The following DTWD1 variants were observed in gnomAD, a reference collection of about 807,000 sequenced individuals.
DTWD1 encodes the protein tRNA-uridine aminocarboxypropyltransferase 1.
DTWD1 carries 27 observed loss-of-function variants against 30.2 expected under a neutral mutation model. The observed-to-expected ratio is 0.90, with a 90% CI of 0.66 to 1.23. DTWD1 has a LOEUF of 1.23. DTWD1 is among the 50% of genes most tolerant of loss of function. DTWD1 has a pLI of 0.00. For missense variants in DTWD1, 342 were observed against 348.8 expected (o/e 0.98, Z 0.15); for synonymous variants, 99 against 113.1 (o/e 0.88, Z 0.79).
intron 1 of DTWD1, among the ~76,000 whole-genome samples, chr15:49,624,728 A>C (rs1438326624): frequency 6.6e-6 from 1 of 152,200 alleles, no homozygotes; most frequent in Non-Finnish European, 1.5e-5. Flanking sequence ...ATAACCAACT[A>C]AATTTTGCCA....
At chr15:49,622,023 G>C (rs1303703194) in intron 1 of DTWD1, among the ~76,000 whole-genome samples, 1 of 151,782 alleles carries the variant, frequency 6.6e-6, no homozygotes, top group Non-Finnish European at 1.5e-5. Context: ...TATTATTTTG[G>C]AGAAAAAAAA....
intron 2 of DTWD1, among the ~76,000 whole-genome samples, chr15:49,631,465 T>A (rs997315646): frequency 5.3e-5 from 8 of 152,166 alleles, no homozygotes; most frequent in African/African-American, 1.9e-4. Flanking sequence ...TTACATTTCT[T>A]TTTAAAATAG....
rs2079162138 is a variant in DTWD1, at chr15:49,653,152, G to T, written c.*9574G>T. The T allele has an allele frequency of 1.3e-5, 2 of 152,124 alleles. No individual in the cohort carries two copies. The highest frequency in any genetic ancestry group is 3.9e-4 in the East Asian group (2 of 5,176). 9.4% of individuals were successfully genotyped at this position (152,124 alleles called of 1,614,324 possible). A position where few individuals can be genotyped will look rare whatever the true frequency, so the allele number is the denominator to read the frequency against. On this transcript the variant is annotated 3_prime_UTR_variant, in exon 5 of 5. Transcript: ENST00000403028. ...AGGTTAAACCTTACATGGTAAAAAG[G>T]ACTTTGCCTCTGTCATTAAGTTAAG...
Position 49,632,184 on chromosome 15 carries a change from A to G in DTWD1, c.290A>G (p.Lys97Arg). ...VKLPLKIDII[K>R]HPNETDGKST... ...CTTCCATTGAAGATTGACATCATTAAACATCCAAATGAAACAGATGGCAAA... is the reference window on the plus strand; with the variant it reads ...CTTCCATTGAAGATTGACATCATTAGACATCCAAATGAAACAGATGGCAAA... Residue 97 changes from lysine to arginine, a missense_variant, in exon 3 of 5, where the codon AAA becomes AGA. Transcript: ENST00000403028. 1 of 1,580,012 alleles carries G rather than the reference A, an allele frequency of 6.3e-7. No homozygotes were observed. The highest frequency in any genetic ancestry group is 1.2e-5 in the South Asian group (1 of 82,970).
chr15:49,629,222 G>C (rs1342602941), intron 2 of DTWD1, among the ~76,000 whole-genome samples: 3 of 152,142 alleles, frequency 2.0e-5, no homozygotes, highest in Admixed American at 6.5e-5. Context: ...CTGTTTCTGT[G>C]CTTTGGTTTT....
In DTWD1 at chr15:49,641,305, T is replaced by G. The variant is rs550114572; in HGVS notation, c.668-2026T>G. Among the ~76,000 whole-genome samples the G allele has an allele frequency of 2.6e-5, 4 of 152,100 alleles. No homozygotes were observed. The South Asian group carries it at 8.3e-4, about 31-fold the overall frequency. ...AGGTTTTTTCTTATTCTATTTTTAT[T>G]CCTATTTCAATTATTTTAGAGAATT... On this transcript the variant is annotated intron_variant, in intron 4 of 4. Coordinates refer to ENST00000403028, the MANE Select transcript of DTWD1 (RefSeq NM_001144955.2).
At chr15:49,630,165 C>A (rs1275189720) in intron 2 of DTWD1, among the ~76,000 whole-genome samples, 1 of 152,072 alleles carries the variant, frequency 6.6e-6, no homozygotes, top group Non-Finnish European at 1.5e-5. Flanking sequence ...TACTGATTGC[C>A]TGAGGAGGGC....
chr15:49,641,615 C>T (rs373008459), intron 4 of DTWD1, among the ~76,000 whole-genome samples: 13 of 151,962 alleles, frequency 8.6e-5, no homozygotes, highest in African/African-American at 3.1e-4. Context: ...TTAATTTGGT[C>T]TCTTGTTGGC....
Position 49,652,097 on chromosome 15 carries a change from AG to A in DTWD1, c.*8520del, listed in dbSNP as rs1303901666. The A allele has an allele frequency of 1.3e-5, 2 of 152,082 alleles. No individual in the cohort carries two copies. The highest frequency in any genetic ancestry group is 2.9e-5 in the Non-Finnish European group (2 of 68,002). The allele number at this position is 152,082 out of a possible 1,614,324, so 9.4% of individuals were successfully genotyped here. ...TAGGGGTAGATGCAAAGAGAGTAGA[AG>A]AAGAGGTGCCTCCCCTCCGTGCCAT... On this transcript the variant is annotated 3_prime_UTR_variant, in exon 5 of 5. Coordinates refer to ENST00000403028, the MANE Select transcript of DTWD1 (RefSeq NM_001144955.2).
In DTWD1 at chr15:49,647,955, A is replaced by G. The variant is rs555882120; in HGVS notation, c.*4377A>G. The stretch of plus-strand genomic sequence containing the variant: ...TAAATATAAGAGTTGAAGATAAAAT[A>G]TAGCATAAGAATAGAAAATTCTGAA... On this transcript the variant is annotated 3_prime_UTR_variant, in exon 5 of 5. Transcript: ENST00000403028. 3 of 152,300 alleles carry G rather than the reference A, an allele frequency of 2.0e-5. No individual in the cohort carries two copies. In the East Asian group the frequency reaches 5.8e-4, roughly 29 times the overall value. 9.4% of individuals were successfully genotyped at this position (152,300 alleles called of 1,614,324 possible).
intron 2 of DTWD1, among the ~76,000 whole-genome samples, chr15:49,631,850 G>A (rs2078925286): frequency 6.6e-6 from 1 of 152,176 alleles, no homozygotes; most frequent in African/African-American, 2.4e-5. Flanking sequence ...GGCACACATG[G>A]TGAAATGCAA....
chr15:49,622,741 C>A (rs145184366), intron 1 of DTWD1, among the ~76,000 whole-genome samples: 2 of 152,156 alleles, frequency 1.3e-5, no homozygotes, highest in African/African-American at 4.8e-5. Context: ...ATGCCCTGAT[C>A]ATGTAGTTTC....
At chr15:49,638,362 A>G (rs2079027230) in intron 4 of DTWD1, among the ~76,000 whole-genome samples, 1 of 152,138 alleles carries the variant, frequency 6.6e-6, no homozygotes, top group African/African-American at 2.4e-5. Context: ...GTTCTGTGCT[A>G]GATCAAAAAT....
At position 49,647,954 on chromosome 15, in the gene DTWD1, TATAGC is replaced by T. The variant is rs1226015108; in HGVS notation, c.*4380_*4384del. On this transcript the variant is annotated 3_prime_UTR_variant, in exon 5 of 5. Coordinates refer to ENST00000403028, the MANE Select transcript of DTWD1 (RefSeq NM_001144955.2). ...TTAAATATAAGAGTTGAAGATAAAA[TATAGC>T]ATAAGAATAGAAAATTCTGAATTCC... 1 of 152,090 alleles carries T rather than the reference TATAGC, an allele frequency of 6.6e-6. No homozygotes were observed. Among genetic ancestry groups the T allele is most frequent in the Non-Finnish European group, 1.5e-5 (1 of 68,006 alleles). 9.4% of individuals were successfully genotyped at this position (152,090 alleles called of 1,614,324 possible). A position where few individuals can be genotyped will look rare whatever the true frequency, so the allele number is the denominator to read the frequency against.
chr15:49,626,963 A>G, intron 2 of DTWD1: 1 of 242,202 alleles, frequency 4.1e-6, no homozygotes, highest in Non-Finnish European at 8.9e-6. Context: ...TTTTTGAAGT[A>G]TACGTAGAAT....
rs780544726 is a variant in DTWD1 at position 49,625,386 on chromosome 15, T to C, written c.219T>C (p.Tyr73=). 10 of 1,613,694 alleles carry C rather than the reference T, an allele frequency of 6.2e-6. No individual in the cohort carries two copies. Among genetic ancestry groups the C allele is most frequent in the Admixed American group, 1.7e-5 (1 of 59,946 alleles). The part of the protein sequence containing the change: ...GSRMFYCYTC[Y]VPVENVPIEQ... ...GAATGTTCTACTGCTATACATGTTATGTTCCAGTTGAAAATGTACCTATTG... is the reference window on the plus strand; with the variant it reads ...GAATGTTCTACTGCTATACATGTTACGTTCCAGTTGAAAATGTACCTATTG... Residue 73 remains tyrosine (Y), a synonymous_variant, in exon 2 of 5, where the codon TAT becomes TAC. Coordinates refer to ENST00000403028, the MANE Select transcript of DTWD1 (RefSeq NM_001144955.2).
At chr15:49,634,149 T>G (rs1257226703) in intron 3 of DTWD1, among the ~76,000 whole-genome samples, 1 of 152,190 alleles carries the variant, frequency 6.6e-6, no homozygotes, top group Non-Finnish European at 1.5e-5. Context: ...TGTTTTATCT[T>G]TGGCTTATGA....
intron 2 of DTWD1, chr15:49,630,019 C>T (rs917093141): frequency 6.6e-5 from 10 of 152,116 alleles, no homozygotes; most frequent in African/African-American, 2.4e-4. Context: ...AGTTTTGGAA[C>T]TAATGACACA....
intron 1 of DTWD1, among the ~76,000 whole-genome samples, chr15:49,624,624 A>G (rs1490524748): frequency 6.6e-6 from 1 of 152,192 alleles, no homozygotes; most frequent in Non-Finnish European, 1.5e-5. Context: ...TTTATTGGAT[A>G]TGAAGTTTTA....
Sources: allele counts gnomAD v4.1 joint callset (sites outside exome capture counted in the v4.1 genomes callset), GRCh38; gene constraint gnomAD v4.1.1; transcripts MANE v1.5; gene names NCBI Gene and HGNC (gene_info 2026-07-23, HGNC 2026-07-21).